BAG4: variants seen among roughly 807,000 people sequenced by gnomAD.
The protein encoded by BAG4 is BAG cochaperone 4, also known as BAG family molecular chaperone regulator 4.
In BAG4, 28 loss-of-function variants were observed where a neutral mutation model predicts 52.1. That is an observed-to-expected ratio of 0.54 (90% confidence interval 0.40 to 0.74). The LOEUF (loss-of-function observed/expected upper bound fraction) is 0.74, where lower values mean the gene tolerates loss of function less well. BAG4 is among the 30% of genes least tolerant of loss of function. The probability of loss-of-function intolerance (pLI) is 0.00; values close to 1 mark genes in which losing one functional copy is unlikely to be tolerated. For missense variants in BAG4, 525 were observed against 572.0 expected, an observed-to-expected ratio of 0.92 and a Z score of 0.84; for synonymous variants, 208 against 217.0, an observed-to-expected ratio of 0.96 and a Z score of 0.37.
chr8:38,207,904 T>C (rs1803799936), intron 3 of BAG4, 138 bp downstream of exon 3: 4 of 1,088,534 alleles, frequency 3.7e-6, no homozygotes, highest in Non-Finnish European at 5.1e-6. Context: ...GATGCCTTTC[T>C]TATTTGTGGC....
chr8:38,201,267 T>A (rs961566697), intron 2 of BAG4, among the ~76,000 whole-genome samples: 3 of 152,184 alleles, frequency 2.0e-5, no homozygotes, highest in Admixed American at 2.0e-4. Context: ...ACATGTGTAT[T>A]TTCTGGCGAA....
At chr8:38,178,586 T>G (rs1563278142) in intron 1 of BAG4, among the ~76,000 whole-genome samples, 1 of 152,250 alleles carries the variant, frequency 6.6e-6, no homozygotes, top group Non-Finnish European at 1.5e-5. Flanking sequence ...CAAAATATGG[T>G]GTTAATATAT....
chr8:38,180,522 C>CAAAAAAAAAAAAAAAAAAAAAA (rs1161178024), intron 1 of BAG4, among the ~76,000 whole-genome samples: 5 of 26,492 alleles, frequency 1.9e-4, no homozygotes, highest in Non-Finnish European at 3.1e-4. Flanking sequence ...GACTCCGTCT[C>CAAAAAAAAAAAAAAAAAAAAAA]AAAAAAAAAA....
intron 2 of BAG4, 84 bp from the exon 3 acceptor site, chr8:38,207,428 A>C: frequency 2.1e-6 from 3 of 1,445,370 alleles, no homozygotes; most frequent in Non-Finnish European, 2.8e-6. Context: ...ATCTTCTCAA[A>C]GTTTTCAAGT....
Position 38,210,587 on chromosome 8 carries a change from C to A in BAG4, c.*94C>A. 2 of 1,425,744 alleles carry A rather than the reference C, an allele frequency of 1.4e-6. No homozygotes were observed. Among genetic ancestry groups the A allele is most frequent in the South Asian group, 1.5e-5 (1 of 67,372 alleles). The allele number at this position is 1,425,744 out of a possible 1,614,324, so 88.3% of individuals were successfully genotyped here. Reference sequence around the variant, plus strand: ...CTCTTTTTGAAATGCCTGTTGATGACAAGAAGCAATACATTCCAGCTTTCC... The same window carrying A: ...CTCTTTTTGAAATGCCTGTTGATGAAAAGAAGCAATACATTCCAGCTTTCC... On this transcript the variant is annotated 3_prime_UTR_variant, in exon 5 of 5. Transcript: ENST00000287322.
intron 2 of BAG4, among the ~76,000 whole-genome samples, chr8:38,203,317 CTG>C (rs1029765932): frequency 8.0e-5 from 11 of 136,862 alleles, no homozygotes; most frequent in Admixed American, 2.4e-4. Flanking sequence ...GAGTTTCACT[CTG>C]TCGCCCAGGC....
chr8:38,200,163 C>T (rs925094264), intron 2 of BAG4, among the ~76,000 whole-genome samples: 10 of 151,916 alleles, frequency 6.6e-5, no homozygotes, highest in East Asian at 1.9e-4. Flanking sequence ...GCCACCATGC[C>T]GGGCTAATTT....
Position 38,201,885 on chromosome 8 carries a change from T to TA in BAG4, c.379-5627_379-5626insA, listed in dbSNP as rs1803684764. On this transcript the variant is annotated intron_variant, in intron 2 of 4. Coordinates refer to ENST00000287322, the MANE Select transcript of BAG4 (RefSeq NM_004874.4). ...ATATATATATATATATATATATTTT[T>TA]TTTTTTTTTTTTTTTTTTTTTTTTA... is the stretch of plus-strand genomic sequence containing the variant. The TA allele has an allele frequency of 5.4e-5, 3 of 55,238 alleles. No individual in the cohort carries two copies. The South Asian group carries it at 1.5e-3, about 28-fold the overall frequency. 3.4% of individuals were successfully genotyped at this position (55,238 alleles called of 1,614,324 possible).
intron 2 of BAG4, 89 bp from the exon 3 acceptor site, chr8:38,207,423 C>G (rs181691722): frequency 3.4e-5 from 49 of 1,421,930 alleles, no homozygotes; most frequent in Non-Finnish European, 4.6e-5. Context: ...TTAACATCTT[C>G]TCAAAGTTTT....
intron 2 of BAG4, among the ~76,000 whole-genome samples, chr8:38,195,691 AC>A (rs756373496): frequency 4.9e-4 from 74 of 152,218 alleles, no homozygotes; most frequent in Middle Eastern, 3.2e-3. Flanking sequence ...CTTTCATTTT[AC>A]TTGTGTCAGC....
Position 38,177,124 on chromosome 8 carries a change from C to G in BAG4, c.255C>G (p.Ala85=). 2 of 1,612,802 alleles carry G rather than the reference C, an allele frequency of 1.2e-6. No homozygotes were observed. Among genetic ancestry groups the G allele is most frequent in the Non-Finnish European group, 1.7e-6 (2 of 1,179,882 alleles). ...SGGAWPEPGR[A]GGSHQEQPPY... is the part of the protein sequence containing the mutation. Reference sequence around the variant, plus strand: ...GCGCCTGGCCAGAGCCTGGTCGAGCCGGAGGAAGCCACCAGGTAAGCTTTG... The same window carrying G: ...GCGCCTGGCCAGAGCCTGGTCGAGCGGGAGGAAGCCACCAGGTAAGCTTTG... Residue 85 remains alanine (A), a synonymous_variant, in exon 1 of 5, where the codon GCC becomes GCG. Coordinates refer to ENST00000287322, the MANE Select transcript of BAG4 (RefSeq NM_004874.4).
chr8:38,190,026 C>T (rs1803446696), intron 1 of BAG4, among the ~76,000 whole-genome samples: 1 of 152,166 alleles, frequency 6.6e-6, no homozygotes, highest in African/African-American at 2.4e-5. Context: ...ACCTCGTGAT[C>T]CACCTGCCTT....
chr8:38,196,513 C>T (rs1484994636), intron 2 of BAG4, among the ~76,000 whole-genome samples: 4 of 151,934 alleles, frequency 2.6e-5, no homozygotes, highest in African/African-American at 4.8e-5. Context: ...ATTAGCCGGG[C>T]GTGGTGGCGG....
At chr8:38,188,036 C>CAAAAAAAAAA (rs1157770485) in intron 1 of BAG4, among the ~76,000 whole-genome samples, 1 of 37,134 alleles carries the variant, frequency 2.7e-5, no homozygotes, top group Non-Finnish European at 5.2e-5. Flanking sequence ...GACTCCGTCT[C>CAAAAAAAAAA]AAAAAAAAAA....
At chr8:38,185,241 A>G (rs1234155621) in intron 1 of BAG4, among the ~76,000 whole-genome samples, 1 of 152,228 alleles carries the variant, frequency 6.6e-6, no homozygotes, top group Non-Finnish European at 1.5e-5. Context: ...CAAAGGGCAG[A>G]ATTATAAAAT....
intron 2 of BAG4, among the ~76,000 whole-genome samples, chr8:38,195,379 C>T (rs556675214): frequency 2.6e-5 from 4 of 152,132 alleles, no homozygotes; most frequent in Non-Finnish European, 5.9e-5. Context: ...GTCTCCCAAT[C>T]CTGGGCTCAA....
chr8:38,190,198 A>G (rs1803450491), intron 1 of BAG4, among the ~76,000 whole-genome samples: 9 of 152,202 alleles, frequency 5.9e-5, no homozygotes, highest in Admixed American at 5.2e-4. Flanking sequence ...CCTCGTGACA[A>G]TATCGGTTCC....
At chr8:38,177,900 T>G (rs1262038256) in intron 1 of BAG4, among the ~76,000 whole-genome samples, 1 of 152,194 alleles carries the variant, frequency 6.6e-6, no homozygotes, top group African/African-American at 2.4e-5. Context: ...TACCTCTCTG[T>G]TCGTTCAAGA....
intron 1 of BAG4, among the ~76,000 whole-genome samples, chr8:38,186,440 A>G (rs1194034281): frequency 6.6e-6 from 1 of 152,214 alleles, no homozygotes; most frequent in African/African-American, 2.4e-5. Context: ...TTCCTAAAGG[A>G]ACAAAGTATG....
Sources: gnomAD v4.1 joint callset for allele counts (sites outside exome capture counted in the v4.1 genomes callset) on GRCh38, gnomAD v4.1.1 for gene constraint, MANE v1.5 for transcripts, NCBI Gene and HGNC (gene_info 2026-07-23, HGNC 2026-07-21) for gene names.